Variants in BTBD9 observed in about 807,000 individuals in gnomAD.
BTBD9 encodes BTB/POZ domain-containing protein 9.
Under a neutral mutation model 64.3 loss-of-function variants are expected in BTBD9, and 49 were observed. The observed-to-expected ratio is 0.76, with a 90% CI of 0.61 to 0.97. The LOEUF (loss-of-function observed/expected upper bound fraction) is 0.97. BTBD9 is among the 50% of genes least tolerant of loss of function. The probability of loss-of-function intolerance (pLI) is 0.00; values close to 1 mark genes in which losing one functional copy is unlikely to be tolerated. For synonymous variants in BTBD9, 260 were observed against 274.7 expected (o/e 0.95, Z 0.53); for missense variants, 598 against 762.1 (o/e 0.78, Z 2.53).
At chr6:38,231,496 A>C (rs1763603441) in intron 9 of BTBD9, among the ~76,000 whole-genome samples, 1 of 152,206 alleles carries the variant, frequency 6.6e-6, no homozygotes. Flanking sequence ...TTTATATATA[A>C]TTTTGCCCAA....
intron 6 of BTBD9, among the ~76,000 whole-genome samples, chr6:38,456,911 T>C (rs1769839359): frequency 6.6e-6 from 1 of 152,140 alleles, no homozygotes; most frequent in Non-Finnish European, 1.5e-5. Flanking sequence ...CCTAGCATTA[T>C]AAAAAGCACT....
intron 6 of BTBD9, among the ~76,000 whole-genome samples, chr6:38,386,860 CTTGAACTCCTGAGTTCAA>C: frequency 6.6e-6 from 1 of 152,096 alleles, no homozygotes; most frequent in East Asian, 1.9e-4. Context: ...CCAGGCTGCT[CTTGAACTCCTGAGTTCAA>C]TCCATCTGCC....
intron 9 of BTBD9, among the ~76,000 whole-genome samples, chr6:38,234,515 G>A (rs1202374100): frequency 6.6e-6 from 1 of 152,208 alleles, no homozygotes; most frequent in East Asian, 1.9e-4. Flanking sequence ...CTGTACATCT[G>A]TCAAGGCAAC....
At chr6:38,496,299 G>A (rs1259858669) in intron 6 of BTBD9, among the ~76,000 whole-genome samples, 1 of 152,120 alleles carries the variant, frequency 6.6e-6, no homozygotes, top group Non-Finnish European at 1.5e-5. Context: ...AGATTTGTAA[G>A]TTTATCAAAG....
At chr6:38,385,667 A>G (rs1180149261) in intron 6 of BTBD9, among the ~76,000 whole-genome samples, 1 of 152,206 alleles carries the variant, frequency 6.6e-6, no homozygotes, top group Non-Finnish European at 1.5e-5. Context: ...AGGTTAATAG[A>G]ACAAATATTA....
intron 6 of BTBD9, among the ~76,000 whole-genome samples, chr6:38,556,417 A>G (rs1044069687): frequency 1.3e-5 from 2 of 152,024 alleles, no homozygotes; most frequent in African/African-American, 4.8e-5. Flanking sequence ...TTCCAGACCT[A>G]CTAAGGGGTC....
chr6:38,493,717 C>T (rs192875533), intron 6 of BTBD9, among the ~76,000 whole-genome samples: 26 of 152,236 alleles, frequency 1.7e-4, no homozygotes, highest in Admixed American at 5.2e-4. Context: ...ATCAGGGATA[C>T]GTGTGGGGAT....
At chr6:38,463,785 A>G (rs1770213059) in intron 6 of BTBD9, among the ~76,000 whole-genome samples, 1 of 152,202 alleles carries the variant, frequency 6.6e-6, no homozygotes, top group African/African-American at 2.4e-5. Flanking sequence ...TAATCCCAGC[A>G]CTTTAGGAGG....
In BTBD9 at chr6:38,594,160, T is replaced by G; in HGVS notation, c.353A>C (p.His118Pro). 1 of 1,614,222 alleles carries G rather than the reference T, an allele frequency of 6.2e-7. No individual in the cohort carries two copies. The highest frequency in any genetic ancestry group is 8.5e-7 in the Non-Finnish European group (1 of 1,180,028). The change falls in exon 3 of 11, where the codon CAT becomes CCT. Residue 118 changes from histidine to proline, a missense_variant. Physicochemically the swap from His to Pro is moderately conservative, Grantham distance 77. Coordinates refer to ENST00000481247, the MANE Select transcript of BTBD9 (RefSeq NM_001099272.2). ...EVLLDFLSLA[H>P]KYGFPELEDS... ...CTCTAGCTCTGGAAATCCATATTTA[T>G]GAGCCAGGCTCAAAAAGTCCAGCAG...
intron 6 of BTBD9, among the ~76,000 whole-genome samples, chr6:38,397,464 C>T (rs1766731715): frequency 6.6e-6 from 1 of 152,142 alleles, no homozygotes; most frequent in Non-Finnish European, 1.5e-5. Flanking sequence ...GATGGGGCAA[C>T]TCATTGAGAT....
At chr6:38,176,430 TGGGAGCTGCCATTTTCTCTTAGA>T (rs558069479) in intron 10 of BTBD9, among the ~76,000 whole-genome samples, 86 of 152,356 alleles carry the variant, frequency 5.6e-4, no homozygotes, top group African/African-American at 2.0e-3. Context: ...CACTCTGTTT[TGGGAGCTGCCATTTTCTCTTAGA>T]GGGAGCTGAT....
At chr6:38,350,274 A>T (rs1764450355) in intron 6 of BTBD9, among the ~76,000 whole-genome samples, 1 of 152,218 alleles carries the variant, frequency 6.6e-6, no homozygotes, top group Non-Finnish European at 1.5e-5. Context: ...TTCTTAATCT[A>T]GCTTTCCGTC....
chr6:38,563,776 CT>C (rs57927975), intron 6 of BTBD9, among the ~76,000 whole-genome samples: 6,598 of 113,572 alleles, frequency 0.058, 194 homozygotes, highest in African/African-American at 0.18. Context: ...GCCTATCTAA[CT>C]TTTTTTTTTT....
intron 4 of BTBD9, chr6:38,587,809 G>GT: frequency 1.4e-6 from 1 of 714,760 alleles, no homozygotes; most frequent in African/African-American, 1.7e-5. Context: ...GTCTACTCAG[G>GT]TTATGGCAGC....
chr6:38,388,219 CAAAAAAA>C (rs35755281), intron 6 of BTBD9, among the ~76,000 whole-genome samples: 2 of 102,552 alleles, frequency 2.0e-5, no homozygotes, highest in Admixed American at 1.0e-4. Flanking sequence ...CTGCCCCTGA[CAAAAAAA>C]AAAAAAAAAA....
At chr6:38,631,613 T>A (rs1029935731) in intron 1 of BTBD9, among the ~76,000 whole-genome samples, 1 of 152,156 alleles carries the variant, frequency 6.6e-6, no homozygotes, top group Non-Finnish European at 1.5e-5. Context: ...TGAGGTCCCC[T>A]ACCAACAGCC....
chr6:38,376,957 C>G lies in BTBD9; in HGVS notation c.1155-31864G>C, dbSNP rs184205993. On this transcript the variant is annotated intron_variant, in intron 6 of 10. Transcript: ENST00000481247. ...GATGATATACTTGCCCTCTCCCTGGCCGGTTATTAAAGACTGCTTTCCAAG... is the reference window on the plus strand; with the variant it reads ...GATGATATACTTGCCCTCTCCCTGGGCGGTTATTAAAGACTGCTTTCCAAG... 1.2e-4 allele frequency among the ~76,000 whole-genome samples: 18 copies of G among 152,282 alleles called. No homozygotes were observed. The East Asian group carries it at 3.3e-3, about 28-fold the overall frequency.
chr6:38,218,596 T>C (rs1382419087), intron 9 of BTBD9, among the ~76,000 whole-genome samples: 1 of 152,238 alleles, frequency 6.6e-6, no homozygotes, highest in East Asian at 1.9e-4. Flanking sequence ...TTCTGTGCCA[T>C]TCCAGTAGGT....
chr6:38,425,166 G>A (rs866497300), intron 6 of BTBD9, among the ~76,000 whole-genome samples: 3 of 146,444 alleles, frequency 2.0e-5, no homozygotes, highest in Non-Finnish European at 3.0e-5. Flanking sequence ...AGGCTGGAGT[G>A]CAGTGGCGTG....
Sources: gnomAD v4.1 joint callset for allele counts (sites outside exome capture counted in the v4.1 genomes callset) on GRCh38, gnomAD v4.1.1 for gene constraint, MANE v1.5 for transcripts, NCBI Gene and HGNC (gene_info 2026-07-23, HGNC 2026-07-21) for gene names.